CSRNP3: variants seen among roughly 807,000 people sequenced by gnomAD.
The protein encoded by CSRNP3 is cysteine and serine rich nuclear protein 3.
CSRNP3 carries 12 observed loss-of-function variants against 48.0 expected under a neutral mutation model. That is an observed-to-expected ratio of 0.25 (90% CI 0.16 to 0.41). The LOEUF is 0.41. Among genes scored for constraint, CSRNP3 ranks in the 10% least tolerant of loss-of-function variants. CSRNP3 has a pLI of 1.00. For missense variants in CSRNP3, 580 were observed against 724.4 expected (o/e 0.80, Z 2.29); for synonymous variants, 263 against 269.7 (o/e 0.98, Z 0.24).
chr2:165,631,011 T>C (rs377520133), intron 4 of CSRNP3, among the ~76,000 whole-genome samples: 31 of 152,214 alleles, frequency 2.0e-4, no homozygotes, highest in African/African-American at 7.2e-4. Context: ...TGTTCAAAAA[T>C]AAGAGATTTA....
chr2:165,658,026 A>G lies in CSRNP3; in HGVS notation c.408+6A>G. ...TGAACTCCTTAAAACTAAAGGTAAA[A>G]AACAAACTCATTTTCTGCAAAGTCT... On this transcript the variant is annotated splice_donor_region_variant and intron_variant, in intron 5 of 6. Coordinates refer to ENST00000651982, the MANE Select transcript of CSRNP3 (RefSeq NM_001172173.2). 7 of 1,603,126 alleles carry G rather than the reference A, an allele frequency of 4.4e-6. No homozygotes were observed. The highest frequency in any genetic ancestry group is 5.1e-6 in the Non-Finnish European group (6 of 1,172,654).
Position 165,479,775 on chromosome 2 carries a change from A to T in CSRNP3, c.-283+10035A>T, listed in dbSNP as rs112741145. On this transcript the variant is annotated intron_variant, in intron 1 of 6. Coordinates refer to ENST00000651982, the MANE Select transcript of CSRNP3 (RefSeq NM_001172173.2). ...GTGGTACATGCCTATAGTCCTAGCT[A>T]CTTGGAGGCTGAGGCAGGAGGATCA... 7.4e-3 allele frequency among the ~76,000 whole-genome samples: 1,131 copies of T among 151,878 alleles called. 13 individuals carry two copies. The highest frequency in any genetic ancestry group is 0.026 in the African/African-American group (1,064 of 41,414).
chr2:165,482,397 G>A (rs1416775160), intron 1 of CSRNP3, among the ~76,000 whole-genome samples: 1 of 151,892 alleles, frequency 6.6e-6, no homozygotes, highest in Admixed American at 6.6e-5. Context: ...CTGAGTAGCT[G>A]GGACTACAGG....
intron 3 of CSRNP3, among the ~76,000 whole-genome samples, chr2:165,521,170 AG>A (rs1490072340): frequency 6.6e-6 from 1 of 150,680 alleles, no homozygotes; most frequent in Non-Finnish European, 1.5e-5. Context: ...GTTATGGGAA[AG>A]CCAAAAAAAA....
At position 165,593,671 on chromosome 2, in the gene CSRNP3, A is replaced by C. The variant is rs1007955328; in HGVS notation, c.-23-1372A>C. Reference sequence around the variant, plus strand: ...GATAATATAACTAAGGGGGTCTCAGAATAGTGTTAAGGGTCTTGCTTCCCC... The same window carrying C: ...GATAATATAACTAAGGGGGTCTCAGCATAGTGTTAAGGGTCTTGCTTCCCC... On this transcript the variant is annotated intron_variant, in intron 3 of 6. Transcript: ENST00000651982. Among the ~76,000 whole-genome samples, 3 of 152,142 alleles carry C rather than the reference A, an allele frequency of 2.0e-5. No individual in the cohort carries two copies. In the South Asian group the frequency reaches 6.2e-4, roughly 32 times the overall value.
chr2:165,679,116 A>G lies in CSRNP3; in HGVS notation c.1121A>G (p.Glu374Gly). 1 of 1,613,908 alleles carries G rather than the reference A, an allele frequency of 6.2e-7. No homozygotes were observed. Among genetic ancestry groups the G allele is most frequent in the South Asian group, 1.1e-5 (1 of 91,066 alleles). ...LAPSESDEEE[E>G]EEEEEEEEED... ...CCTAGTGAGTCAGACGAGGAGGAGG[A>G]GGAAGAAGAAGAGGAAGAGGAGGAG... The change falls in exon 7 of 7, where the codon GAG (glutamate) becomes GGG (glycine). Residue 374 changes from glutamate to glycine, a missense_variant. Glu to Gly is a moderately conservative substitution (Grantham distance 98). This residue lies in a region of CSRNP3 where 369 missense variants were observed against 380.8 expected (regional missense o/e 0.97). Coordinates refer to ENST00000651982, the MANE Select transcript of CSRNP3 (RefSeq NM_001172173.2).
At chr2:165,639,948 G>T (rs1686696967) in intron 4 of CSRNP3, among the ~76,000 whole-genome samples, 1 of 152,020 alleles carries the variant, frequency 6.6e-6, no homozygotes. Flanking sequence ...ACCTTTATGT[G>T]CCAAAACAAA....
Position 165,681,722 on chromosome 2 carries a change from T to TATAC in CSRNP3, c.*1973_*1976dup, listed in dbSNP as rs1314889753. The TATAC allele has an allele frequency of 1.5e-5, 1 of 64,922 alleles. No homozygotes were observed. Among genetic ancestry groups the TATAC allele is most frequent in the Non-Finnish European group, 3.0e-5 (1 of 32,994 alleles). The allele number at this position is 64,922 out of a possible 1,614,324, so 4.0% of individuals were successfully genotyped here. A position where few individuals can be genotyped will look rare whatever the true frequency, so the allele number is the denominator to read the frequency against. ...AATGAGGATTTGTTGAAATCTCAAA[T>TATAC]ATACATATATATATATATATATATA... is the stretch of plus-strand genomic sequence containing the variant. On this transcript the variant is annotated 3_prime_UTR_variant, in exon 7 of 7. Coordinates refer to ENST00000651982, the MANE Select transcript of CSRNP3 (RefSeq NM_001172173.2).
chr2:165,472,832 A>G (rs1389622398), intron 1 of CSRNP3, among the ~76,000 whole-genome samples: 1 of 152,146 alleles, frequency 6.6e-6, no homozygotes, highest in African/African-American at 2.4e-5. Context: ...TGCTTAAACT[A>G]CGTGTTAAAA....
intron 3 of CSRNP3, among the ~76,000 whole-genome samples, chr2:165,578,970 C>CTCTATATCTATA (rs1685497297): frequency 6.6e-6 from 1 of 152,028 alleles, no homozygotes; most frequent in South Asian, 2.1e-4. Flanking sequence ...TAATATTAGT[C>CTCTATATCTATA]TCTATATCAA....
chr2:165,580,221 C>T (rs866815612), intron 3 of CSRNP3, among the ~76,000 whole-genome samples: 1 of 152,184 alleles, frequency 6.6e-6, no homozygotes, highest in Non-Finnish European at 1.5e-5. Flanking sequence ...CTCCTCTAAA[C>T]AGTGAATGTC....
intron 2 of CSRNP3, among the ~76,000 whole-genome samples, chr2:165,514,357 G>A (rs931121290): frequency 6.6e-6 from 1 of 152,332 alleles, no homozygotes; most frequent in African/African-American, 2.4e-5. Context: ...GGCAGTTCCC[G>A]CTGATCTTCT....
chr2:165,479,003 A>G (rs1345331299), intron 1 of CSRNP3, among the ~76,000 whole-genome samples: 1 of 152,202 alleles, frequency 6.6e-6, no homozygotes, highest in Non-Finnish European at 1.5e-5. Context: ...ACAGGACATT[A>G]TGGACAATAT....
In CSRNP3 at chr2:165,687,733, A is replaced by T. The variant is rs958628629; in HGVS notation, c.*7980A>T. On this transcript the variant is annotated 3_prime_UTR_variant, in exon 7 of 7. Coordinates refer to ENST00000651982, the MANE Select transcript of CSRNP3 (RefSeq NM_001172173.2). ...AATGATTTAAAAATTTGTCTTCTTG[A>T]CAAGGCCTGAAAACGAAGGGAGGTG... 1.3e-5 allele frequency: 2 copies of T among 152,032 alleles called. No individual in the cohort carries two copies. Among genetic ancestry groups the T allele is most frequent in the Non-Finnish European group, 2.9e-5 (2 of 67,974 alleles). 9.4% of individuals were successfully genotyped at this position (152,032 alleles called of 1,614,324 possible). A position where few individuals can be genotyped will look rare whatever the true frequency, so the allele number is the denominator to read the frequency against.
rs1048766462 is a variant in CSRNP3 at position 165,681,176 on chromosome 2, A to G, written c.*1423A>G. On this transcript the variant is annotated 3_prime_UTR_variant, in exon 7 of 7. Transcript: ENST00000651982. ...GACTTCTAGGATCCCGTTTCCCTGTAAATTAATTTAGGTAACTAAATAGTG... is the reference window on the plus strand; with the variant it reads ...GACTTCTAGGATCCCGTTTCCCTGTGAATTAATTTAGGTAACTAAATAGTG... The G allele has an allele frequency of 6.6e-6, 1 of 152,156 alleles. No homozygotes were observed. The highest frequency in any genetic ancestry group is 1.5e-5 in the Non-Finnish European group (1 of 68,036). 9.4% of individuals were successfully genotyped at this position (152,156 alleles called of 1,614,324 possible). A position where few individuals can be genotyped will look rare whatever the true frequency, so the allele number is the denominator to read the frequency against.
At chr2:165,524,181 A>C (rs1292960274) in intron 3 of CSRNP3, among the ~76,000 whole-genome samples, 1 of 152,160 alleles carries the variant, frequency 6.6e-6, no homozygotes, top group Non-Finnish European at 1.5e-5. Context: ...ACCCAGGTAC[A>C]CATAATTAGT....
intron 4 of CSRNP3, among the ~76,000 whole-genome samples, chr2:165,631,065 T>C (rs1302786476): frequency 6.6e-6 from 1 of 152,228 alleles, no homozygotes; most frequent in African/African-American, 2.4e-5. Context: ...TTAATCATAA[T>C]TGCCTTATTA....
chr2:165,642,103 A>AACACACACACACACACAAACAC lies in CSRNP3; in HGVS notation c.149-15641_149-15640insAACACACACACACACACACACA, dbSNP rs1452981285. ...TAGTACCTGAGAATACACACACACA[A>AACACACACACACACACAAACAC]ACACACACACACACACACACACACA... On this transcript the variant is annotated intron_variant, in intron 4 of 6. Coordinates refer to ENST00000651982, the MANE Select transcript of CSRNP3 (RefSeq NM_001172173.2). Among the ~76,000 whole-genome samples, 118 of 132,198 alleles carry AACACACACACACACACAAACAC rather than the reference A, an allele frequency of 8.9e-4. 1 individual carries two copies. In the South Asian group the frequency reaches 9.7e-3, roughly 11 times the overall value. 86.7% of individuals were successfully genotyped at this position (132,198 alleles called of 152,430 possible).
intron 4 of CSRNP3, among the ~76,000 whole-genome samples, chr2:165,642,170 A>G (rs186896327): frequency 6.6e-6 from 1 of 151,192 alleles, no homozygotes; most frequent in Admixed American, 6.6e-5. Context: ...GTATTGCCCT[A>G]TGCACCCTGT....
Sources: gnomAD v4.1 joint callset for allele counts (sites outside exome capture counted in the v4.1 genomes callset) on GRCh38, gnomAD v4.1.1 for gene constraint, gnomAD v4.1.1 regional missense constraint, MANE v1.5 for transcripts, NCBI Gene and HGNC (gene_info 2026-07-23, HGNC 2026-07-21) for gene names.